The following SCEL variants were observed in gnomAD, a reference collection of about 807,000 sequenced individuals.
The protein encoded by SCEL is sciellin.
Under a neutral mutation model 117.6 loss-of-function variants are expected in SCEL, and 113 were observed. The observed-to-expected ratio is 0.96, with a 90% CI of 0.83 to 1.12. The LOEUF (loss-of-function observed/expected upper bound fraction) is 1.12, where lower values mean the gene tolerates loss of function less well. Among genes scored for constraint, SCEL ranks in the 50% most tolerant of loss-of-function variants. SCEL has a pLI of 0.00. For synonymous variants in SCEL, 270 were observed against 256.2 expected, an observed-to-expected ratio of 1.05 and a Z score of -0.51; for missense variants, 785 against 810.8, an observed-to-expected ratio of 0.97 and a Z score of 0.39.
intron 4 of SCEL, 27 bp downstream of exon 4, chr13:77,559,890 G>A: frequency 1.3e-6 from 2 of 1,587,410 alleles, no homozygotes; most frequent in Non-Finnish European, 1.7e-6. Flanking sequence ...GTTACATCAT[G>A]AGCAGAAACA....
rs534224517 is a variant in SCEL at position 77,602,059 on chromosome 13, G to A, written c.918-6G>A. On this transcript the variant is annotated splice_polypyrimidine_tract_variant and splice_region_variant and intron_variant, in intron 15 of 32. Coordinates refer to ENST00000349847, the MANE Select transcript of SCEL (RefSeq NM_144777.3). ...TTTCTCTTTCTTTTCCCCCAATGTT[G>A]TAAAGAATCCAAAGCCTTGGAAGTC... The A allele has an allele frequency of 1.2e-5, 19 of 1,606,012 alleles. No individual in the cohort carries two copies. The South Asian group carries it at 1.8e-4, about 15-fold the overall frequency.
intron 9 of SCEL, among the ~76,000 whole-genome samples, chr13:77,576,932 C>G (rs922822463): frequency 2.0e-5 from 3 of 152,102 alleles, no homozygotes; most frequent in African/African-American, 7.2e-5. Flanking sequence ...GACTGGCTTT[C>G]TGCTTGCCTG....
chr13:77,614,068 C>A lies in SCEL; in HGVS notation c.1451+113C>A, dbSNP rs751154808. 280 of 904,748 alleles carry A rather than the reference C, an allele frequency of 3.1e-4. 2 individuals are homozygous for A. Among genetic ancestry groups the A allele is most frequent in the Middle Eastern group, 2.8e-4 (1 of 3,546 alleles). 56.0% of individuals were successfully genotyped at this position (904,748 alleles called of 1,614,324 possible). On this transcript the variant is annotated intron_variant, in intron 24 of 32. Transcript: ENST00000349847. ...TTGAATATAAATCTCAAAATATCATCACAGGTGGAAACCTAGATGTCTCAG... is the reference window on the plus strand; with the variant it reads ...TTGAATATAAATCTCAAAATATCATAACAGGTGGAAACCTAGATGTCTCAG...
chr13:77,592,544 T>A (rs909905374), intron 11 of SCEL, among the ~76,000 whole-genome samples: 5 of 147,236 alleles, frequency 3.4e-5, no homozygotes, highest in African/African-American at 1.3e-4. Context: ...TTCTTTTCTT[T>A]TCTTCTTCTT....
At chr13:77,600,059 T>C (rs947961024) in intron 15 of SCEL, 5 of 319,506 alleles carry the variant, frequency 1.6e-5, no homozygotes, top group Non-Finnish European at 2.9e-5. Flanking sequence ...TTACAAGTAG[T>C]GGAGAATAGG....
intron 6 of SCEL, 49 bp downstream of exon 6, chr13:77,567,797 T>G (rs1347003445): frequency 8.2e-7 from 1 of 1,225,952 alleles, no homozygotes; most frequent in Non-Finnish European, 1.2e-6. Context: ...AATATTTTTC[T>G]AAGTGTTACC....
At chr13:77,541,825 C>T (rs2083719165) in intron 1 of SCEL, among the ~76,000 whole-genome samples, 2 of 151,950 alleles carry the variant, frequency 1.3e-5, no homozygotes, top group South Asian at 4.1e-4. Flanking sequence ...AATTGGGATA[C>T]AGAACAGCTA....
chr13:77,618,373 G>C (rs1252941867), intron 27 of SCEL, among the ~76,000 whole-genome samples: 1 of 151,896 alleles, frequency 6.6e-6, no homozygotes, highest in Admixed American at 6.6e-5. Context: ...TTTAGAGATG[G>C]GGTCTTACTA....
At chr13:77,581,338 G>A (rs142085034) in intron 9 of SCEL, among the ~76,000 whole-genome samples, 11 of 152,284 alleles carry the variant, frequency 7.2e-5, no homozygotes, top group Non-Finnish European at 1.0e-4. Flanking sequence ...AACCTAATTC[G>A]CAATCTGTAA....
intron 23 of SCEL, among the ~76,000 whole-genome samples, chr13:77,613,243 AG>A (rs1170996702): frequency 1.3e-5 from 2 of 152,190 alleles, no homozygotes; most frequent in African/African-American, 4.8e-5. Flanking sequence ...ATAAATTACA[AG>A]TTCATAAAAC....
Position 77,569,306 on chromosome 13 carries a change from T to G in SCEL, c.399-65T>G, listed in dbSNP as rs1480695431. 4 of 1,304,428 alleles carry G rather than the reference T, an allele frequency of 3.1e-6. No individual in the cohort carries two copies. In the African/African-American group the frequency reaches 4.4e-5, roughly 14 times the overall value. The allele number at this position is 1,304,428 out of a possible 1,614,324, so 80.8% of individuals were successfully genotyped here. ...GAATATGAGTAGAATTTAAGACTTT[T>G]CAAAGGTAGGCTGAAATGAAAAAGT... On this transcript the variant is annotated intron_variant, in intron 7 of 32. Coordinates refer to ENST00000349847, the MANE Select transcript of SCEL (RefSeq NM_144777.3).
chr13:77,597,695 A>G, intron 13 of SCEL, 106 bp downstream of exon 13: 2 of 534,732 alleles, frequency 3.7e-6, no homozygotes, highest in Non-Finnish European at 6.6e-6. Context: ...GTAGTCAAAA[A>G]TATCCTACAA....
intron 9 of SCEL, among the ~76,000 whole-genome samples, chr13:77,585,557 A>G (rs1008058363): frequency 1.3e-5 from 2 of 152,092 alleles, no homozygotes; most frequent in East Asian, 1.9e-4. Flanking sequence ...CACCATCAAC[A>G]TGAGAGCCAA....
At chr13:77,625,026 C>A (rs1331880017) in intron 27 of SCEL, among the ~76,000 whole-genome samples, 1 of 152,184 alleles carries the variant, frequency 6.6e-6, no homozygotes, top group African/African-American at 2.4e-5. Context: ...ACCAGTTTCC[C>A]TATAAAACTA....
At chr13:77,537,943 G>A (rs2083492838) in intron 1 of SCEL, among the ~76,000 whole-genome samples, 1 of 152,092 alleles carries the variant, frequency 6.6e-6, no homozygotes, top group Non-Finnish European at 1.5e-5. Context: ...GCAGTCCAAG[G>A]GAAATCTTTA....
At chr13:77,551,138 C>T (rs2084296566) in intron 1 of SCEL, among the ~76,000 whole-genome samples, 1 of 152,204 alleles carries the variant, frequency 6.6e-6, no homozygotes, top group African/African-American at 2.4e-5. Flanking sequence ...CCTCTTAACA[C>T]CTTGGACATG....
intron 9 of SCEL, among the ~76,000 whole-genome samples, chr13:77,580,305 C>A (rs535539532): frequency 6.6e-6 from 1 of 152,148 alleles, no homozygotes; most frequent in Non-Finnish European, 1.5e-5. Context: ...TGATGCAAAG[C>A]GTGTCAGCAG....
chr13:77,630,751 C>T (rs954370824), intron 28 of SCEL, among the ~76,000 whole-genome samples: 24 of 152,112 alleles, frequency 1.6e-4, no homozygotes, highest in African/African-American at 5.1e-4. Context: ...AGATTCAATA[C>T]AATGTTTGGG....
Position 77,612,947 on chromosome 13 carries a change from CTT to C in SCEL, c.1388+7_1388+8del. ...ATCCCTTCAGCAAACAAAAGGTAAACTTATTAAGATAATTGAAGACTTCTTAG... is the reference window on the plus strand; with the variant it reads ...ATCCCTTCAGCAAACAAAAGGTAAACATTAAGATAATTGAAGACTTCTTAG... On this transcript the variant is annotated splice_region_variant and intron_variant, in intron 23 of 32. Coordinates refer to ENST00000349847, the MANE Select transcript of SCEL (RefSeq NM_144777.3). The C allele has an allele frequency of 6.5e-7, 1 of 1,530,400 alleles. No individual in the cohort carries two copies. Among genetic ancestry groups the C allele is most frequent in the South Asian group, 1.2e-5 (1 of 80,618 alleles). 94.8% of individuals were successfully genotyped at this position (1,530,400 alleles called of 1,614,324 possible).
Sources: gnomAD v4.1 joint callset for allele counts (sites outside exome capture counted in the v4.1 genomes callset) on GRCh38, gnomAD v4.1.1 for gene constraint, MANE v1.5 for transcripts, NCBI Gene and HGNC (gene_info 2026-07-23, HGNC 2026-07-21) for gene names.